PCDHGB3: variants seen among roughly 807,000 people sequenced by gnomAD.
PCDHGB3 encodes protocadherin gamma subfamily B, 3.
A neutral mutation model predicts 59.2 loss-of-function variants in PCDHGB3; 40 were observed. The ratio of observed to expected loss-of-function variants is 0.68; its 90% CI spans 0.52 to 0.88. The LOEUF is 0.88. Among genes scored for constraint, PCDHGB3 ranks in the 40% least tolerant of loss-of-function variants. The probability of loss-of-function intolerance (pLI) is 0.00; values close to 1 mark genes in which losing one functional copy is unlikely to be tolerated. For missense variants in PCDHGB3, 1,309 were observed against 1,187.9 expected (o/e 1.10, Z -1.50); for synonymous variants, 581 against 503.6 (o/e 1.15, Z -2.06).
At chr5:141,421,823 G>A in intron 1 of PCDHGB3, 1 of 1,613,802 alleles carries the variant, frequency 6.2e-7, no homozygotes. Flanking sequence ...GTACTGGAGG[G>A]AAGCCTGGAC....
intron 1 of PCDHGB3, chr5:141,404,498 G>A (rs1237860716): frequency 6.2e-7 from 1 of 1,613,878 alleles, no homozygotes; most frequent in East Asian, 2.2e-5. Context: ...TGTGCTGTAT[G>A]CTCTGTGCTC....
Position 141,394,174 on chromosome 5 carries a change from A to G in PCDHGB3, c.2415+21365A>G, listed in dbSNP as rs774402638. On this transcript the variant is annotated intron_variant, in intron 1 of 3. Coordinates refer to ENST00000576222, the MANE Select transcript of PCDHGB3 (RefSeq NM_018924.5). ...AACGACAACCCTCCTACTTTCCCTC[A>G]TGCCTCCTACTCAGCGTATATCCTA... 3 of 1,613,706 alleles carry G rather than the reference A, an allele frequency of 1.9e-6. No individual in the cohort carries two copies. In the East Asian group the frequency reaches 6.7e-5, roughly 36 times the overall value.
rs192227219 is a variant in PCDHGB3 at position 141,501,899 on chromosome 5, A to G, written c.2475-3494A>G. Among the ~76,000 whole-genome samples the G allele has an allele frequency of 1.0e-3, 159 of 152,024 alleles. 1 individual carries two copies. The highest frequency in any genetic ancestry group is 6.8e-3 in the Middle Eastern group (2 of 294). ...TACACTCCTGATCATCATGGTTCCA[A>G]CCCCACTGTTCCACTCAGCTTTGTT... is the stretch of plus-strand genomic sequence containing the variant. On this transcript the variant is annotated intron_variant, in intron 2 of 3. Transcript: ENST00000576222.
chr5:141,474,962 A>G (rs954703806), intron 1 of PCDHGB3, among the ~76,000 whole-genome samples: 3 of 152,256 alleles, frequency 2.0e-5, no homozygotes, highest in Non-Finnish European at 4.4e-5. Flanking sequence ...CACTATCCTA[A>G]TCATTATAAT....
intron 1 of PCDHGB3, chr5:141,422,123 C>A: frequency 6.2e-7 from 1 of 1,601,290 alleles, no homozygotes; most frequent in South Asian, 1.1e-5. Context: ...GATTCACAAA[C>A]TGGAGAAGTT....
chr5:141,410,045 G>C (rs962300160), intron 1 of PCDHGB3: 1 of 1,613,166 alleles, frequency 6.2e-7, no homozygotes. Context: ...CAGTGAGCCC[G>C]GACTCTTCAG....
chr5:141,432,369 A>G lies in PCDHGB3; in HGVS notation c.2415+59560A>G. 6.2e-7 allele frequency: 1 copy of G among 1,614,222 alleles called. No homozygotes were observed. The highest frequency in any genetic ancestry group is 1.1e-5 in the South Asian group (1 of 91,084). ...CAAGTGAAAGTGATGGCGCGGGACA[A>G]CGGGCACCCGCCCCTCAGCAGCAAC... On this transcript the variant is annotated intron_variant, in intron 1 of 3. Coordinates refer to ENST00000576222, the MANE Select transcript of PCDHGB3 (RefSeq NM_018924.5). The surrounding 1 kb of genome is among the most constrained non-coding windows in gnomAD (Gnocchi z 6.0).
chr5:141,403,929 G>A (rs1203236737), intron 1 of PCDHGB3: 5 of 1,613,854 alleles, frequency 3.1e-6, no homozygotes, highest in Non-Finnish European at 4.2e-6. Context: ...GATGGTGGGG[G>A]ATTGAAAGGG....
At chr5:141,386,234 T>A (rs570347588) in intron 1 of PCDHGB3, among the ~76,000 whole-genome samples, 2 of 152,292 alleles carry the variant, frequency 1.3e-5, no homozygotes, top group Admixed American at 6.5e-5. Context: ...TACTGAAAAA[T>A]TCAGTTGGAA....
rs758993148 is a variant in PCDHGB3 at position 141,430,863 on chromosome 5, T to C, written c.2415+58054T>C. On this transcript the variant is annotated intron_variant, in intron 1 of 3. Transcript: ENST00000576222. Reference sequence around the variant, plus strand: ...GGATGCACCCAGATACGCTATTCAGTTCCGGAAGAGCTGGAGAAAGGCTCT... The same window carrying C: ...GGATGCACCCAGATACGCTATTCAGCTCCGGAAGAGCTGGAGAAAGGCTCT... 8 of 1,594,990 alleles carry C rather than the reference T, an allele frequency of 5.0e-6. No individual in the cohort carries two copies. In the South Asian group the frequency reaches 8.0e-5, roughly 16 times the overall value.
chr5:141,468,920 A>G (rs2099185605), intron 1 of PCDHGB3, among the ~76,000 whole-genome samples: 1 of 151,612 alleles, frequency 6.6e-6, no homozygotes, highest in South Asian at 2.1e-4. Context: ...AGAAGAGAAT[A>G]GCACTAAAAT....
intron 1 of PCDHGB3, among the ~76,000 whole-genome samples, chr5:141,435,303 A>G (rs2097757060): frequency 6.6e-6 from 1 of 152,192 alleles, no homozygotes; most frequent in Admixed American, 6.5e-5. Flanking sequence ...TCATGGTTTT[A>G]AATCATTCAT....
chr5:141,383,109 T>A, intron 1 of PCDHGB3: 1 of 1,613,908 alleles, frequency 6.2e-7, no homozygotes, highest in Non-Finnish European at 8.5e-7. Context: ...TCTCCAGAGG[T>A]AGGACGCAGC....
intron 1 of PCDHGB3, chr5:141,404,476 C>T (rs1453332441): frequency 6.2e-7 from 1 of 1,613,362 alleles, no homozygotes; most frequent in South Asian, 1.1e-5. Context: ...TCTCTATTAA[C>T]TCAGACACTG....
chr5:141,403,210 C>G (rs369033480), intron 1 of PCDHGB3: 1 of 1,613,946 alleles, frequency 6.2e-7, no homozygotes, highest in Admixed American at 1.7e-5. Flanking sequence ...CCTTGGTCAC[C>G]GCGGGTAGGA....
intron 1 of PCDHGB3, among the ~76,000 whole-genome samples, chr5:141,466,704 T>C (rs1175063183): frequency 6.6e-6 from 1 of 152,202 alleles, no homozygotes; most frequent in Admixed American, 6.5e-5. Context: ...AAATTTGATG[T>C]CTGTTCTTGT....
intron 1 of PCDHGB3, among the ~76,000 whole-genome samples, chr5:141,382,340 T>G (rs535677710): frequency 3.4e-4 from 52 of 152,358 alleles, no homozygotes; most frequent in Middle Eastern, 3.4e-3. Context: ...AAGTAAAATC[T>G]TTCATATGTA....
At chr5:141,422,038 G>A (rs949164524) in intron 1 of PCDHGB3, 9 of 1,611,746 alleles carry the variant, frequency 5.6e-6, no homozygotes, top group Non-Finnish European at 7.6e-6. Context: ...AACGGATCCA[G>A]ACGAGGGAAT....
At chr5:141,384,795 G>C (rs763067876) in intron 1 of PCDHGB3, 1 of 1,613,482 alleles carries the variant, frequency 6.2e-7, no homozygotes, top group South Asian at 1.1e-5. Context: ...CTCGGGCCCT[G>C]CTGGACAGAG....
Sources: allele counts gnomAD v4.1 joint callset (sites outside exome capture counted in the v4.1 genomes callset), GRCh38; gene constraint gnomAD v4.1.1; non-coding constraint Gnocchi (gnomAD v3.1); transcripts MANE v1.5; gene names NCBI Gene and HGNC (gene_info 2026-07-23, HGNC 2026-07-21).